DNAH9: variants seen among roughly 807,000 people sequenced by gnomAD.
The protein encoded by DNAH9 is dynein axonemal heavy chain 9, also known as DNAH9 variant protein.
In DNAH9, 345 loss-of-function variants were observed where a neutral mutation model predicts 471.6. The ratio of observed to expected loss-of-function variants is 0.73; its 90% CI spans 0.67 to 0.80. The LOEUF (loss-of-function observed/expected upper bound fraction) is 0.80. DNAH9 is among the 30% of genes least tolerant of loss of function. The pLI, the probability that DNAH9 is intolerant of heterozygous loss-of-function variation, is 0.00. For missense variants in DNAH9, 5,407 were observed against 5,609.2 expected (o/e 0.96, Z 1.15); for synonymous variants, 2,093 against 2,123.6 (o/e 0.99, Z 0.40).
chr17:11,745,105 C>T, intron 31 of DNAH9, 21 bp downstream of exon 31: 1 of 1,589,016 alleles, frequency 6.3e-7, no homozygotes. Context: ...TTTTTCCTCC[C>T]AGGATTTCTC....
chr17:11,706,176 C>G (rs1461183796), intron 26 of DNAH9, among the ~76,000 whole-genome samples: 1 of 152,088 alleles, frequency 6.6e-6, no homozygotes, highest in Non-Finnish European at 1.5e-5. Context: ...TAATCGATCC[C>G]TATTATTATT....
At chr17:11,663,263 G>C (rs1427575469) in intron 14 of DNAH9, among the ~76,000 whole-genome samples, 1 of 152,158 alleles carries the variant, frequency 6.6e-6, no homozygotes. Context: ...TTTACCAGAG[G>C]CTTGCTCTAA....
chr17:11,698,176 A>ATAT (rs368710209), intron 22 of DNAH9, among the ~76,000 whole-genome samples: 1 of 102,776 alleles, frequency 9.7e-6, no homozygotes, highest in African/African-American at 4.2e-5. Flanking sequence ...TTATATTAAT[A>ATAT]TATTATTATA....
Position 11,843,162 on chromosome 17 carries a change from A to G in DNAH9, c.9507+8264A>G, listed in dbSNP as rs546087765. Among the ~76,000 whole-genome samples, 5 of 152,316 alleles carry G rather than the reference A, an allele frequency of 3.3e-5. No individual in the cohort carries two copies. In the East Asian group the frequency reaches 7.7e-4, roughly 24 times the overall value. ...CAGCTCCCTTCACTACTGTAATTCA[A>G]AAATGTGTCCTGGATTTCTAGCCAA... On this transcript the variant is annotated intron_variant, in intron 49 of 68. Coordinates refer to ENST00000262442, the MANE Select transcript of DNAH9 (RefSeq NM_001372.4).
chr17:11,603,350 C>G (rs1035842577), intron 1 of DNAH9, among the ~76,000 whole-genome samples: 4 of 152,152 alleles, frequency 2.6e-5, no homozygotes, highest in African/African-American at 9.7e-5. Flanking sequence ...TCCTGTTAAC[C>G]TCACTCTGAG....
At chr17:11,803,806 A>G (rs538843793) in intron 43 of DNAH9, among the ~76,000 whole-genome samples, 1 of 152,280 alleles carries the variant, frequency 6.6e-6, no homozygotes, top group South Asian at 2.1e-4. Context: ...GCTGGACTCC[A>G]ACTCCTCTGA....
At chr17:11,619,883 C>A in intron 6 of DNAH9, 102 bp downstream of exon 6, 1 of 692,584 alleles carries the variant, frequency 1.4e-6, no homozygotes, top group Non-Finnish European at 2.6e-6. Flanking sequence ...ACCTCATAGC[C>A]AACCCTCCAT....
At chr17:11,648,141 A>C (rs2073430316) in intron 12 of DNAH9, among the ~76,000 whole-genome samples, 1 of 152,236 alleles carries the variant, frequency 6.6e-6, no homozygotes, top group Non-Finnish European at 1.5e-5. Context: ...TGTATTGGTC[A>C]CACTAAGCTA....
intron 35 of DNAH9, among the ~76,000 whole-genome samples, chr17:11,759,729 C>G (rs909235137): frequency 6.6e-6 from 1 of 150,434 alleles, no homozygotes; most frequent in Non-Finnish European, 1.5e-5. Flanking sequence ...CTCTGTAGAC[C>G]AGGCTGGAGT....
At position 11,694,383 on chromosome 17, in the gene DNAH9, G is replaced by C; in HGVS notation, c.4808G>C (p.Arg1603Pro). The C allele has an allele frequency of 6.2e-7, 1 of 1,613,442 alleles. No homozygotes were observed. The highest frequency in any genetic ancestry group is 8.5e-7 in the Non-Finnish European group (1 of 1,179,850). The stretch of plus-strand genomic sequence containing the variant: ...GACACCAAGAGGCTTGCCTTCCCGC[G>C]GTTTTACTTTCTCTCCTCCTCCGAT... The part of the protein sequence containing the change: ...YLDTKRLAFP[R>P]FYFLSSSDLL... The change falls in exon 22 of 69, where the codon CGG (arginine) becomes CCG (proline). Residue 1603 changes from arginine (R) to proline (P), a missense_variant. Transcript: ENST00000262442.
chr17:11,660,319 CTT>C (rs1208889792), intron 14 of DNAH9, among the ~76,000 whole-genome samples: 68 of 97,496 alleles, frequency 7.0e-4, no homozygotes, highest in Admixed American at 2.0e-3. Flanking sequence ...TTAAATGTTT[CTT>C]TTTTTTTTTT....
chr17:11,775,623 G>A (rs74377308), intron 38 of DNAH9, among the ~76,000 whole-genome samples: 1 of 10,692 alleles, frequency 9.4e-5, no homozygotes, highest in African/African-American at 3.5e-4. Flanking sequence ...TTTTTTTTTT[G>A]AGACAGAGTC....
chr17:11,930,011 T>G lies in DNAH9; in HGVS notation c.12023T>G (p.Leu4008Arg), dbSNP rs528260519. The G allele has an allele frequency of 6.2e-7, 1 of 1,614,122 alleles. No individual in the cohort carries two copies. Among genetic ancestry groups the G allele is most frequent in the Admixed American group, 1.7e-5 (1 of 60,006 alleles). Residue 4008 changes from leucine to arginine, a missense_variant, in exon 63 of 69, where the codon CTG becomes CGG. Coordinates refer to ENST00000262442, the MANE Select transcript of DNAH9 (RefSeq NM_001372.4). ...GGCCACATCATCCCCCAGGGCATCC[T>G]GGAGAACTCCATTAAGATCACCAAT... ...PEGHIIPQGI[L>R]ENSIKITNEP...
intron 26 of DNAH9, among the ~76,000 whole-genome samples, chr17:11,708,658 G>A (rs1302575410): frequency 6.6e-6 from 1 of 152,088 alleles, no homozygotes; most frequent in Non-Finnish European, 1.5e-5. Context: ...TGTCTTTAGG[G>A]CCATTCTCAG....
At chr17:11,909,723 G>T (rs561688085) in intron 61 of DNAH9, among the ~76,000 whole-genome samples, 1 of 151,838 alleles carries the variant, frequency 6.6e-6, no homozygotes, top group African/African-American at 2.4e-5. Flanking sequence ...GACTCTCCTC[G>T]TGCTCCCAAA....
At chr17:11,862,632 T>C (rs1971901676) in intron 50 of DNAH9, among the ~76,000 whole-genome samples, 1 of 152,194 alleles carries the variant, frequency 6.6e-6, no homozygotes, top group Admixed American at 6.5e-5. Flanking sequence ...TTTCACGATA[T>C]TAATTCTTCC....
At chr17:11,714,844 G>C (rs1027757202) in intron 26 of DNAH9, among the ~76,000 whole-genome samples, 4 of 152,094 alleles carry the variant, frequency 2.6e-5, no homozygotes, top group Non-Finnish European at 5.9e-5. Context: ...CTGGCCAACA[G>C]GGACCTCAGA....
intron 14 of DNAH9, among the ~76,000 whole-genome samples, chr17:11,660,049 A>G (rs1479355634): frequency 6.6e-6 from 1 of 152,098 alleles, no homozygotes; most frequent in Admixed American, 6.5e-5. Flanking sequence ...AAATCCTTTC[A>G]AAGAACCAAA....
chr17:11,784,379 A>T lies in DNAH9; in HGVS notation c.7901A>T (p.His2634Leu), dbSNP rs1171084138. ...SSIYSIILTQ[H>L]LKLGNFPASL... ...ATCTACAGCATCATCCTCACTCAGCATCTGAAGCTCGGAAACTTCCCGGCG... is the reference window on the plus strand; with the variant it reads ...ATCTACAGCATCATCCTCACTCAGCTTCTGAAGCTCGGAAACTTCCCGGCG... The change falls in exon 41 of 69, where the codon CAT (histidine) becomes CTT (leucine). Residue 2634 changes from histidine to leucine, a missense_variant. His to Leu is a moderately conservative substitution (Grantham distance 99, BLOSUM62 -3). Around this residue, in one of 3 missense-constraint regions of DNAH9, gnomAD observed 4,636 missense variants for 4,900.3 expected, o/e 0.95. Coordinates refer to ENST00000262442, the MANE Select transcript of DNAH9 (RefSeq NM_001372.4). 6.2e-7 allele frequency: 1 copy of T among 1,614,024 alleles called. No individual in the cohort carries two copies. Among genetic ancestry groups the T allele is most frequent in the African/African-American group, 1.3e-5 (1 of 74,918 alleles).
Sources: gnomAD v4.1 joint callset for allele counts (sites outside exome capture counted in the v4.1 genomes callset) on GRCh38, gnomAD v4.1.1 for gene constraint, gnomAD v4.1.1 regional missense constraint, MANE v1.5 for transcripts, NCBI Gene and HGNC (gene_info 2026-07-23, HGNC 2026-07-21) for gene names.